The following PDE1A variants were observed in gnomAD, a reference collection of about 807,000 sequenced individuals.
PDE1A encodes the protein dual specificity calcium/calmodulin-dependent 3',5'-cyclic nucleotide phosphodiesterase 1A.
PDE1A carries 35 observed loss-of-function variants against 61.7 expected under a neutral mutation model. That is an observed-to-expected ratio of 0.57 (90% CI 0.43 to 0.75). The LOEUF is 0.75. Among genes scored for constraint, PDE1A ranks in the 30% least tolerant of loss-of-function variants. The pLI is 0.00. For missense variants in PDE1A, 597 were observed against 630.6 expected (o/e 0.95, Z 0.57); for synonymous variants, 232 against 213.2 (o/e 1.09, Z -0.77).
intron 1 of PDE1A, among the ~76,000 whole-genome samples, chr2:182,269,921 G>A (rs1439768286): frequency 6.6e-6 from 1 of 152,098 alleles, no homozygotes; most frequent in Non-Finnish European, 1.5e-5. Flanking sequence ...GGGCTAAATA[G>A]AGGCTATTGG....
the PDE1A span, among the ~76,000 whole-genome samples, chr2:182,640,801 C>T: frequency 6.6e-6 from 1 of 152,088 alleles, no homozygotes; most frequent in African/African-American, 2.4e-5. Context: ...AGGCAGATCA[C>T]TTGAGGTCAG....
chr2:182,397,819 A>G (rs1201532393), intron 1 of PDE1A, among the ~76,000 whole-genome samples: 1 of 152,094 alleles, frequency 6.6e-6, no homozygotes, highest in East Asian at 1.9e-4. Context: ...ATATAGAAAA[A>G]TGATCACTAT....
intron 1 of PDE1A, among the ~76,000 whole-genome samples, chr2:182,314,771 T>C (rs1406241299): frequency 1.3e-5 from 2 of 150,852 alleles, no homozygotes; most frequent in East Asian, 3.9e-4. Flanking sequence ...ATTGGAGTAG[T>C]AATTTGATGA....
chr2:182,456,859 G>A (rs997776547), intron 2 of PDE1A, among the ~76,000 whole-genome samples: 2 of 152,024 alleles, frequency 1.3e-5, no homozygotes, highest in Non-Finnish European at 2.9e-5. Flanking sequence ...ATATAAACAG[G>A]TTCTCTCCTA....
intron 1 of PDE1A, among the ~76,000 whole-genome samples, chr2:182,407,429 T>G (rs968517946): frequency 2.6e-5 from 4 of 152,156 alleles, no homozygotes; most frequent in African/African-American, 9.7e-5. Flanking sequence ...TTGCCCAGGC[T>G]GGAGTACAGT....
intron 1 of PDE1A, among the ~76,000 whole-genome samples, chr2:182,333,903 C>T (rs1697599174): frequency 6.6e-6 from 1 of 152,106 alleles, no homozygotes; most frequent in South Asian, 2.1e-4. Flanking sequence ...GGGATATCAT[C>T]ACTAATCCCA....
intron 1 of PDE1A, among the ~76,000 whole-genome samples, chr2:182,276,354 T>C (rs767493954): frequency 6.6e-6 from 1 of 152,140 alleles, no homozygotes; most frequent in African/African-American, 2.4e-5. Flanking sequence ...CATTTTAATA[T>C]GGACATATAT....
the PDE1A span, among the ~76,000 whole-genome samples, chr2:182,538,928 C>T: frequency 6.6e-6 from 1 of 152,196 alleles, no homozygotes; most frequent in African/African-American, 2.4e-5. Context: ...ACCTCAGGTC[C>T]ATACCTAAGA....
intron 1 of PDE1A, among the ~76,000 whole-genome samples, chr2:182,385,460 A>T (rs1354705472): frequency 1.1e-4 from 17 of 152,140 alleles, no homozygotes; most frequent in African/African-American, 3.6e-4. Context: ...GGGTTTTTTT[A>T]AAATCAAAAT....
At chr2:182,707,635 AT>A in the PDE1A span, among the ~76,000 whole-genome samples, 1 of 152,228 alleles carries the variant, frequency 6.6e-6, no homozygotes, top group Non-Finnish European at 1.5e-5. Context: ...TACATACATA[AT>A]TTTTAAGTCA....
At chr2:182,333,493 C>T (rs11687076) in intron 1 of PDE1A, among the ~76,000 whole-genome samples, 56,272 of 151,872 alleles carry the variant, frequency 0.37, 12,550 homozygotes, top group Non-Finnish European at 0.49. Flanking sequence ...GGGTAAATAA[C>T]GAAATTAAGG....
At chr2:182,245,747 A>G (rs1162993280) in intron 2 of PDE1A, among the ~76,000 whole-genome samples, 1 of 152,158 alleles carries the variant, frequency 6.6e-6, no homozygotes, top group Non-Finnish European at 1.5e-5. Flanking sequence ...TATGCATTCT[A>G]CTATTGAAGG....
the PDE1A span, among the ~76,000 whole-genome samples, chr2:182,610,329 T>A: frequency 1.3e-5 from 2 of 152,208 alleles, no homozygotes; most frequent in African/African-American, 4.8e-5. Context: ...TTCGTATGCC[T>A]TTTCTCCAGT....
At chr2:182,366,997 G>C (rs1270912896) in intron 1 of PDE1A, among the ~76,000 whole-genome samples, 1 of 152,010 alleles carries the variant, frequency 6.6e-6, no homozygotes, top group Non-Finnish European at 1.5e-5. Context: ...AAAAGCAAGT[G>C]AGATTTCAAG....
chr2:182,400,887 CAG>C (rs2125446558), intron 1 of PDE1A, among the ~76,000 whole-genome samples: 1 of 152,272 alleles, frequency 6.6e-6, no homozygotes, highest in Admixed American at 6.5e-5. Flanking sequence ...GCCAAAATGT[CAG>C]AGCATTTCTC....
intron 6 of PDE1A, among the ~76,000 whole-genome samples, chr2:182,224,711 A>G (rs998164056): frequency 6.6e-6 from 1 of 151,912 alleles, no homozygotes; most frequent in African/African-American, 2.4e-5. Flanking sequence ...GTACTACCCA[A>G]TATGGTAACC....
chr2:182,157,803 T>C (rs1295740824), intron 13 of PDE1A, among the ~76,000 whole-genome samples: 1 of 152,224 alleles, frequency 6.6e-6, no homozygotes, highest in South Asian at 2.1e-4. Context: ...CTGAGTTGAA[T>C]TGGAGCTACC....
At chr2:182,522,289 G>A (rs752732676) in exon 2 of PDE1A, 20 of 1,612,812 alleles carry the variant, frequency 1.2e-5, no homozygotes, top group South Asian at 5.5e-5. Context: ...CCTTTCAGGC[G>A]CTGCCACATT....
chr2:182,465,094 C>T (rs1574724445), intron 2 of PDE1A, among the ~76,000 whole-genome samples: 1 of 152,018 alleles, frequency 6.6e-6, no homozygotes, highest in East Asian at 1.9e-4. Context: ...TGACTTAATC[C>T]TTTACAATTA....
Sources: gnomAD v4.1 joint callset for allele counts (sites outside exome capture counted in the v4.1 genomes callset) on GRCh38, gnomAD v4.1.1 for gene constraint, MANE v1.5 for transcripts, NCBI Gene and HGNC (gene_info 2026-07-23, HGNC 2026-07-21) for gene names.